AP2M1: variants seen among roughly 807,000 people sequenced by gnomAD.
AP2M1 encodes the protein AP-2 complex subunit mu.
A neutral mutation model predicts 54.5 loss-of-function variants in AP2M1; 5 were observed. That is an observed-to-expected ratio of 0.09 (90% CI 0.05 to 0.19). The LOEUF is 0.19. AP2M1 is among the 10% of genes least tolerant of loss of function. AP2M1 has a pLI of 1.00. For synonymous variants in AP2M1, 186 were observed against 208.2 expected (o/e 0.89, Z 0.92); for missense variants, 178 against 580.2 (o/e 0.31, Z 7.12).
Position 184,181,439 on chromosome 3 carries a change from C to A in AP2M1, c.707+213C>A. 3.5e-6 allele frequency: 3 copies of A among 857,484 alleles called. No homozygotes were observed. The highest frequency in any genetic ancestry group is 5.3e-6 in the Non-Finnish European group (3 of 569,840). The allele number at this position is 857,484 out of a possible 1,614,324, so 53.1% of individuals were successfully genotyped here. ...AGCCCCTTTGTTTGGTCCCTAGGAC[C>A]AAGGCCTTTTCTGTACATACTGACA... On this transcript the variant is annotated intron_variant, in intron 7 of 11. Coordinates refer to ENST00000292807, the MANE Select transcript of AP2M1 (RefSeq NM_004068.4). This position sits in a 1 kb window ranked among gnomAD's most constrained non-coding sequence, Gnocchi z 5.7.
At position 184,182,147 on chromosome 3, in the gene AP2M1, C is replaced by G; in HGVS notation, c.964-4C>G. The G allele has an allele frequency of 6.2e-7, 1 of 1,613,814 alleles. No homozygotes were observed. The highest frequency in any genetic ancestry group is 8.5e-7 in the Non-Finnish European group (1 of 1,179,866). On this transcript the variant is annotated splice_polypyrimidine_tract_variant and splice_region_variant and intron_variant, in intron 9 of 11. Coordinates refer to ENST00000292807, the MANE Select transcript of AP2M1 (RefSeq NM_004068.4). This position sits in a 1 kb window ranked among gnomAD's most constrained non-coding sequence, Gnocchi z 5.5. ...GAGCTCCCTGACAGGTGTGTCACTT[C>G]TAGGTGAGGATCCCAACCCCACTGA... is the stretch of plus-strand genomic sequence containing the variant.
In AP2M1 at chr3:184,182,261, T is replaced by A. The variant is rs768718093; in HGVS notation, c.1061+13T>A. 3 of 1,612,868 alleles carry A rather than the reference T, an allele frequency of 1.9e-6. No homozygotes were observed. The highest frequency in any genetic ancestry group is 2.5e-6 in the Non-Finnish European group (3 of 1,179,578). On this transcript the variant is annotated intron_variant, in intron 10 of 11. Coordinates refer to ENST00000292807, the MANE Select transcript of AP2M1 (RefSeq NM_004068.4). This position sits in a 1 kb window ranked among gnomAD's most constrained non-coding sequence, Gnocchi z 5.5. ...CCATCGTGTGGAAGTGAGTCTTTCC[T>A]TCATTAGGCCACAGCAGGGCTCAAG...
chr3:184,181,406 A>C lies in AP2M1; in HGVS notation c.707+180A>C. On this transcript the variant is annotated intron_variant, in intron 7 of 11. Coordinates refer to ENST00000292807, the MANE Select transcript of AP2M1 (RefSeq NM_004068.4). This position sits in a 1 kb window ranked among gnomAD's most constrained non-coding sequence, Gnocchi z 5.7. ...TACGAGAGATGAGGGGATCGTCCTC[A>C]GAGAGCAAGCCCCTTTGTTTGGTCC... The C allele has an allele frequency of 1.0e-6, 1 of 997,638 alleles. No individual in the cohort carries two copies. The highest frequency in any genetic ancestry group is 1.5e-6 in the Non-Finnish European group (1 of 687,472). The allele number at this position is 997,638 out of a possible 1,614,324, so 61.8% of individuals were successfully genotyped here.
intron 1 of AP2M1, 197 bp downstream of exon 1, chr3:184,175,156 C>T (rs1463352168): frequency 2.5e-6 from 1 of 394,106 alleles, no homozygotes; most frequent in Non-Finnish European, 4.5e-6. Context: ...TGGCGGGGAG[C>T]GGTGCCCTCC....
chr3:184,178,941 C>T lies in AP2M1; in HGVS notation c.159C>T (p.Thr53=). ...GCCCCGTCACCAACATTGCTCGCAC[C>T]AGCTTCTTCCACGTTAAGCGGTCCA... ...VRSPVTNIAR[T]SFFHVKRSNI... is the part of the protein sequence containing the mutation. Residue 53 remains threonine (T), a synonymous_variant, in exon 3 of 12, where the codon ACC becomes ACT. Transcript: ENST00000292807. This position sits in a 1 kb window ranked among gnomAD's most constrained non-coding sequence, Gnocchi z 4.9. The T allele has an allele frequency of 6.2e-7, 1 of 1,614,194 alleles. No individual in the cohort carries two copies. The highest frequency in any genetic ancestry group is 2.2e-5 in the East Asian group (1 of 44,884).
At position 184,183,292 on chromosome 3, in the gene AP2M1, C is replaced by T; in HGVS notation, c.1174-190C>T. 1.4e-6 allele frequency: 1 copy of T among 715,658 alleles called. No homozygotes were observed. The allele number at this position is 715,658 out of a possible 1,614,324, so 44.3% of individuals were successfully genotyped here. On this transcript the variant is annotated intron_variant, in intron 11 of 11. Coordinates refer to ENST00000292807, the MANE Select transcript of AP2M1 (RefSeq NM_004068.4). This position sits in a 1 kb window ranked among gnomAD's most constrained non-coding sequence, Gnocchi z 5.7. ...CTCCTGCTGATTAAAGGAACTGATT[C>T]AAGGTGTCACAGGTAGGGCTTTCTT...
chr3:184,181,143 C>T lies in AP2M1; in HGVS notation c.624C>T (p.Gly208=). 1 of 1,614,166 alleles carries T rather than the reference C, an allele frequency of 6.2e-7. No homozygotes were observed. Among genetic ancestry groups the T allele is most frequent in the East Asian group, 2.2e-5 (1 of 44,878 alleles). The change falls in exon 7 of 12, where the codon GGC becomes GGT. Residue 208 remains glycine (G), a synonymous_variant. Transcript: ENST00000292807. This position sits in a 1 kb window ranked among gnomAD's most constrained non-coding sequence, Gnocchi z 5.7. ...GRVVMKSYLS[G]MPECKFGMND... is the part of the protein sequence containing the mutation. ...TGGTGATGAAGAGCTACCTGAGTGG[C>T]ATGCCTGAATGCAAGTTTGGGATGA...
intron 1 of AP2M1, among the ~76,000 whole-genome samples, chr3:184,175,632 C>G (rs1227012290): frequency 6.6e-6 from 1 of 152,088 alleles, no homozygotes; most frequent in Admixed American, 6.5e-5. Context: ...TACGTTCACT[C>G]CACCAGCCCA....
intron 3 of AP2M1, 48 bp downstream of exon 3, chr3:184,179,170 C>T: frequency 1.3e-6 from 2 of 1,596,834 alleles, no homozygotes; most frequent in Non-Finnish European, 1.7e-6. Flanking sequence ...TGGGAAAAAA[C>T]CAGGCTGGGC....
chr3:184,174,949 G>A lies in AP2M1; in HGVS notation c.-54G>A, dbSNP rs34807693. ...GGCCGGGCCGGCAGAGCAGGGGGCC[G>A]AGGACACCAGGTGAGCCGGGGATCT... On this transcript the variant is annotated 5_prime_UTR_variant, in exon 1 of 12. Transcript: ENST00000292807. The A allele has an allele frequency of 9.0e-5, 36 of 398,760 alleles. No individual in the cohort carries two copies. Among genetic ancestry groups the A allele is most frequent in the Middle Eastern group, 6.2e-4 (1 of 1,616 alleles). 24.7% of individuals were successfully genotyped at this position (398,760 alleles called of 1,614,324 possible). A position where few individuals can be genotyped will look rare whatever the true frequency, so the allele number is the denominator to read the frequency against.
rs1656794729 is a variant in AP2M1, at chr3:184,178,258, G to A, written c.75-599G>A. 1 of 1,535,024 alleles carries A rather than the reference G, an allele frequency of 6.5e-7. No individual in the cohort carries two copies. The highest frequency in any genetic ancestry group is 8.7e-7 in the Non-Finnish European group (1 of 1,145,870). ...CTCTCAAGCTGCTGCCCAGGTACAGGTGGGTGGGGGCCTGCCCCCATCGTT... is the reference window on the plus strand; with the variant it reads ...CTCTCAAGCTGCTGCCCAGGTACAGATGGGTGGGGGCCTGCCCCCATCGTT... On this transcript the variant is annotated intron_variant, in intron 2 of 11. Transcript: ENST00000292807. This position sits in a 1 kb window ranked among gnomAD's most constrained non-coding sequence, Gnocchi z 4.9.
intron 1 of AP2M1, 39 bp downstream of exon 1, chr3:184,174,998 GCTGCGGGTCGT>G (rs1715013484): frequency 2.5e-6 from 1 of 398,286 alleles, no homozygotes; most frequent in Non-Finnish European, 4.4e-6. Flanking sequence ...GGAGGAGGAC[GCTGCGGGTCGT>G]CTGCCTCGCC....
In AP2M1 at chr3:184,178,745, T is replaced by C; in HGVS notation, c.75-112T>C. ...AGGCATTGGCTTTCTTTGGAGTGTG[T>C]GTGTCAGACTTCTGCAGAAAGGAGG... On this transcript the variant is annotated intron_variant, in intron 2 of 11. Coordinates refer to ENST00000292807, the MANE Select transcript of AP2M1 (RefSeq NM_004068.4). This position sits in a 1 kb window ranked among gnomAD's most constrained non-coding sequence, Gnocchi z 4.9. 1 of 1,331,490 alleles carries C rather than the reference T, an allele frequency of 7.5e-7. No homozygotes were observed. Among genetic ancestry groups the C allele is most frequent in the Non-Finnish European group, 1.0e-6 (1 of 966,786 alleles). The allele number at this position is 1,331,490 out of a possible 1,614,324, so 82.5% of individuals were successfully genotyped here. A position where few individuals can be genotyped will look rare whatever the true frequency, so the allele number is the denominator to read the frequency against.
chr3:184,175,717 A>T (rs1304440904), intron 1 of AP2M1, among the ~76,000 whole-genome samples: 3 of 151,894 alleles, frequency 2.0e-5, no homozygotes, highest in African/African-American at 4.8e-5. Context: ...TAAATGTTCC[A>T]TTCTTGCCCA....
chr3:184,179,221 T>G (rs1383251534), intron 3 of AP2M1, 99 bp downstream of exon 3: 1 of 1,429,752 alleles, frequency 7.0e-7, no homozygotes, highest in African/African-American at 1.4e-5. Context: ...TCTGGTACAC[T>G]CTGAACTTTC....
Position 184,178,841 on chromosome 3 carries a change from C to T in AP2M1, c.75-16C>T, listed in dbSNP as rs750708723. On this transcript the variant is annotated splice_polypyrimidine_tract_variant and intron_variant, in intron 2 of 11. Coordinates refer to ENST00000292807, the MANE Select transcript of AP2M1 (RefSeq NM_004068.4). This position sits in a 1 kb window ranked among gnomAD's most constrained non-coding sequence, Gnocchi z 4.9. The stretch of plus-strand genomic sequence containing the variant: ...ACCTGGGTGCTGAGCAGGCCCTATG[C>T]ACTCTTTTCCCTCAGGAGGAACGCA... 3 of 1,612,534 alleles carry T rather than the reference C, an allele frequency of 1.9e-6. No individual in the cohort carries two copies. Among genetic ancestry groups the T allele is most frequent in the Admixed American group, 1.7e-5 (1 of 59,996 alleles).
rs577174503 is a variant in AP2M1, at chr3:184,180,053, C to G, written c.341-116C>G. The G allele has an allele frequency of 2.3e-6, 2 of 858,318 alleles. No individual in the cohort carries two copies. The highest frequency in any genetic ancestry group is 3.7e-6 in the Non-Finnish European group (2 of 533,390). 53.2% of individuals were successfully genotyped at this position (858,318 alleles called of 1,614,324 possible). On this transcript the variant is annotated intron_variant, in intron 3 of 11. Transcript: ENST00000292807. The surrounding 1 kb of genome is among the most constrained non-coding windows in gnomAD (Gnocchi z 4.9). ...AAATGCTACAAAGCTAGAAGACTTTCTTGCGGATGATCCCACATGGGCTTT... is the reference window on the plus strand; with the variant it reads ...AAATGCTACAAAGCTAGAAGACTTTGTTGCGGATGATCCCACATGGGCTTT...
chr3:184,179,869 C>T (rs905194502), intron 3 of AP2M1, among the ~76,000 whole-genome samples: 1 of 152,122 alleles, frequency 6.6e-6, no homozygotes, highest in African/African-American at 2.4e-5. Context: ...CTATGTTGCC[C>T]AGGCTGGTCT....
In AP2M1 at chr3:184,177,759, C is replaced by T. The variant is rs529413985; in HGVS notation, c.74+692C>T. On this transcript the variant is annotated intron_variant, in intron 2 of 11. Coordinates refer to ENST00000292807, the MANE Select transcript of AP2M1 (RefSeq NM_004068.4). ...CCCCCTTGCACGCCCTTGTTCTTTG[C>T]GACTGAAGGGACCTATCCTAGCCTC... The T allele has an allele frequency of 1.1e-5, 8 of 747,968 alleles. No homozygotes were observed. The Admixed American group carries it at 1.4e-4, about 13-fold the overall frequency. 46.3% of individuals were successfully genotyped at this position (747,968 alleles called of 1,614,324 possible). A position where few individuals can be genotyped will look rare whatever the true frequency, so the allele number is the denominator to read the frequency against.
Sources: allele counts gnomAD v4.1 joint callset (sites outside exome capture counted in the v4.1 genomes callset), GRCh38; gene constraint gnomAD v4.1.1; non-coding constraint Gnocchi (gnomAD v3.1); transcripts MANE v1.5; gene names NCBI Gene and HGNC (gene_info 2026-07-23, HGNC 2026-07-21).